The following ZNF407 variants were observed in gnomAD, a reference collection of about 807,000 sequenced individuals.
ZNF407 encodes zinc finger protein 407.
ZNF407 carries 17 observed loss-of-function variants against 131.2 expected under a neutral mutation model. The observed-to-expected ratio is 0.13, with a 90% CI of 0.09 to 0.19. The LOEUF (loss-of-function observed/expected upper bound fraction) is 0.19. ZNF407 is among the 10% of genes least tolerant of loss of function. The pLI is 1.00. For missense variants in ZNF407, 2,681 were observed against 2,830.6 expected (o/e 0.95, Z 1.20); for synonymous variants, 1,156 against 1,062.0 (o/e 1.09, Z -1.72).
At chr18:74,697,577 C>T (rs776279384) in intron 3 of ZNF407, among the ~76,000 whole-genome samples, 1 of 151,872 alleles carries the variant, frequency 6.6e-6, no homozygotes, top group Non-Finnish European at 1.5e-5. Flanking sequence ...TATTTGAGAT[C>T]ATAGAGAAAT....
intron 3 of ZNF407, among the ~76,000 whole-genome samples, chr18:74,669,977 T>C (rs1378316144): frequency 6.6e-6 from 1 of 152,216 alleles, no homozygotes; most frequent in Non-Finnish European, 1.5e-5. Flanking sequence ...GCCCATTCTG[T>C]GAGAGAGCGA....
rs139088268 is a variant in ZNF407, at chr18:74,817,449, G to A, written c.4877+35947G>A. Among the ~76,000 whole-genome samples the A allele has an allele frequency of 9.1e-3, 1,389 of 152,158 alleles. 11 individuals are homozygous for A. Among genetic ancestry groups the A allele is most frequent in the Non-Finnish European group, 0.013 (894 of 68,002 alleles). ...TGCTTTGTGGTTGGCATTTTTCCCT[G>A]AAAATCACTTCTGCAATCTTCAGTC... On this transcript the variant is annotated intron_variant, in intron 4 of 8. Coordinates refer to ENST00000299687, the MANE Select transcript of ZNF407 (RefSeq NM_017757.3).
chr18:74,748,630 A>T (rs1267176704), intron 3 of ZNF407, among the ~76,000 whole-genome samples: 2 of 152,182 alleles, frequency 1.3e-5, no homozygotes, highest in African/African-American at 4.8e-5. Context: ...ATCTATAGAA[A>T]ATGAAAAGAA....
At chr18:74,881,979 C>A (rs1247878329) in intron 6 of ZNF407, among the ~76,000 whole-genome samples, 1 of 152,086 alleles carries the variant, frequency 6.6e-6, no homozygotes, top group Non-Finnish European at 1.5e-5. Flanking sequence ...TGGGGAAACT[C>A]CCCTTTTTAA....
At chr18:74,803,152 AAGCCCTGTAAC>A (rs1398312477) in intron 4 of ZNF407, among the ~76,000 whole-genome samples, 1 of 152,186 alleles carries the variant, frequency 6.6e-6, no homozygotes, top group African/African-American at 2.4e-5. Context: ...AGTCAAAAGA[AAGCCCTGTAAC>A]AGCCTTGTAT....
chr18:74,714,262 G>A (rs966571737), intron 3 of ZNF407, among the ~76,000 whole-genome samples: 1 of 152,206 alleles, frequency 6.6e-6, no homozygotes, highest in African/African-American at 2.4e-5. Flanking sequence ...GCTCAGCAAA[G>A]TCACTTCTTA....
At chr18:74,898,433 A>T (rs1265991624) in intron 7 of ZNF407, 1 of 152,208 alleles carries the variant, frequency 6.6e-6, no homozygotes, top group Non-Finnish European at 1.5e-5. Context: ...TTGTTTTGGT[A>T]AAACAATGTT....
At chr18:74,992,622 T>C (rs1972731966) in intron 8 of ZNF407, among the ~76,000 whole-genome samples, 1 of 152,190 alleles carries the variant, frequency 6.6e-6, no homozygotes, top group Non-Finnish European at 1.5e-5. Flanking sequence ...AGGTGGACCT[T>C]CAGACTTCTG....
rs566877375 is a variant in ZNF407, at chr18:75,026,163, A to T, written c.5429-36987A>T. Among the ~76,000 whole-genome samples, 6 of 152,342 alleles carry T rather than the reference A, an allele frequency of 3.9e-5. 1 individual carries two copies. The highest frequency in any genetic ancestry group is 1.4e-4 in the African/African-American group (6 of 41,576). ...CGACGACAAAGGAACTTTTTAATAT[A>T]TTGTAATATACGACAGATGCCCAAA... is the stretch of plus-strand genomic sequence containing the variant. On this transcript the variant is annotated intron_variant, in intron 8 of 8. Transcript: ENST00000299687.
intron 3 of ZNF407, among the ~76,000 whole-genome samples, chr18:74,675,499 C>T (rs1440114566): frequency 6.6e-6 from 1 of 152,114 alleles, no homozygotes; most frequent in African/African-American, 2.4e-5. Context: ...GAAGAACACA[C>T]AGAGACAGGC....
chr18:74,709,685 A>G (rs984901928), intron 3 of ZNF407, among the ~76,000 whole-genome samples: 6 of 152,232 alleles, frequency 3.9e-5, no homozygotes, highest in Admixed American at 1.3e-4. Flanking sequence ...ATGACCCAAT[A>G]CAGTTCAGTG....
chr18:75,054,751 T>G (rs959574923), intron 8 of ZNF407, among the ~76,000 whole-genome samples: 4 of 152,222 alleles, frequency 2.6e-5, no homozygotes, highest in Non-Finnish European at 4.4e-5. Context: ...CCTATTCCAG[T>G]TTGTTACGTC....
intron 4 of ZNF407, among the ~76,000 whole-genome samples, chr18:74,797,559 A>G (rs1206503417): frequency 6.6e-6 from 1 of 152,244 alleles, no homozygotes; most frequent in Non-Finnish European, 1.5e-5. Context: ...GCAGAATTGT[A>G]TTGTGGGAGT....
intron 7 of ZNF407, among the ~76,000 whole-genome samples, chr18:74,906,333 A>G (rs1971594658): frequency 6.6e-6 from 1 of 152,178 alleles, no homozygotes; most frequent in Non-Finnish European, 1.5e-5. Context: ...ACCTTTTGCT[A>G]AATTCATCAG....
At chr18:74,795,510 G>T (rs1325823689) in intron 4 of ZNF407, among the ~76,000 whole-genome samples, 1 of 152,140 alleles carries the variant, frequency 6.6e-6, no homozygotes, top group Admixed American at 6.6e-5. Context: ...TTACAATATT[G>T]AGGTACTCTT....
chr18:74,666,666 GTTAA>G (rs1164700398), intron 3 of ZNF407, among the ~76,000 whole-genome samples: 1 of 152,198 alleles, frequency 6.6e-6, no homozygotes, highest in Non-Finnish European at 1.5e-5. Flanking sequence ...TTGGTGGTGT[GTTAA>G]TTAGTTAGCT....
intron 4 of ZNF407, among the ~76,000 whole-genome samples, chr18:74,851,720 C>A (rs1183457514): frequency 6.6e-6 from 1 of 152,118 alleles, no homozygotes; most frequent in Non-Finnish European, 1.5e-5. Flanking sequence ...TGAATGAGTT[C>A]TCATCATAAA....
chr18:75,002,638 TAA>T (rs768878620), intron 8 of ZNF407, among the ~76,000 whole-genome samples: 4 of 151,768 alleles, frequency 2.6e-5, no homozygotes, highest in Non-Finnish European at 5.9e-5. Flanking sequence ...CCGTCTCTAC[TAA>T]AAAAATACAA....
chr18:74,606,282 T>C (rs1425348659), intron 1 of ZNF407, among the ~76,000 whole-genome samples: 1 of 152,032 alleles, frequency 6.6e-6, no homozygotes, highest in East Asian at 1.9e-4. Context: ...AGGTTGAAGC[T>C]CATCATGTGT....
Sources: allele counts gnomAD v4.1 joint callset (sites outside exome capture counted in the v4.1 genomes callset), GRCh38; gene constraint gnomAD v4.1.1; transcripts MANE v1.5; gene names NCBI Gene and HGNC (gene_info 2026-07-23, HGNC 2026-07-21).